The following MRPL45 variants were observed in gnomAD, a reference collection of about 807,000 sequenced individuals.
MRPL45 encodes the protein large ribosomal subunit protein mL45.
In MRPL45, 20 loss-of-function variants were observed where a neutral mutation model predicts 38.1. The ratio of observed to expected loss-of-function variants is 0.53; its 90% CI spans 0.37 to 0.76. The LOEUF (loss-of-function observed/expected upper bound fraction) is 0.76, where lower values mean the gene tolerates loss of function less well. MRPL45 is among the 30% of genes least tolerant of loss of function. MRPL45 has a pLI of 0.00. For synonymous variants in MRPL45, 105 were observed against 128.8 expected (o/e 0.82, Z 1.25); for missense variants, 337 against 395.6 (o/e 0.85, Z 1.26).
chr17:38,303,851 T>G (rs1211296961), intron 3 of MRPL45, among the ~76,000 whole-genome samples: 1 of 150,946 alleles, frequency 6.6e-6, no homozygotes, highest in Non-Finnish European at 1.5e-5. Context: ...CTCAGTCTCC[T>G]GAGTAGCTGG....
chr17:38,322,912 A>G lies in MRPL45; in HGVS notation c.*317A>G. On this transcript the variant is annotated 3_prime_UTR_variant, in exon 8 of 8. Coordinates refer to ENST00000613675, the MANE Select transcript of MRPL45 (RefSeq NM_032351.6). ...GGGACTGTGAGAGACAACCAGCAGCATCCTCTTTGTAATCACAGGGCAGGG... is the reference window on the plus strand; with the variant it reads ...GGGACTGTGAGAGACAACCAGCAGCGTCCTCTTTGTAATCACAGGGCAGGG... 3.6e-6 allele frequency: 1 copy of G among 279,314 alleles called. No homozygotes were observed. 17.3% of individuals were successfully genotyped at this position (279,314 alleles called of 1,614,324 possible).
In MRPL45 at chr17:38,318,677, T is replaced by G. The variant is rs780580113; in HGVS notation, c.462-10T>G. The G allele has an allele frequency of 3.1e-6, 5 of 1,599,694 alleles. No homozygotes were observed. Among genetic ancestry groups the G allele is most frequent in the Admixed American group, 1.7e-5 (1 of 59,930 alleles). On this transcript the variant is annotated splice_polypyrimidine_tract_variant and intron_variant, in intron 4 of 7. Coordinates refer to ENST00000613675, the MANE Select transcript of MRPL45 (RefSeq NM_032351.6). Reference sequence around the variant, plus strand: ...CAATAGTCAATGATATTTATTGCTTTCTTTTCTAGCTCAGACCATGACCGG... The same window carrying G: ...CAATAGTCAATGATATTTATTGCTTGCTTTTCTAGCTCAGACCATGACCGG...
chr17:38,305,300 C>T (rs1395268625), intron 3 of MRPL45, among the ~76,000 whole-genome samples: 1 of 138,380 alleles, frequency 7.2e-6, no homozygotes, highest in Non-Finnish European at 1.6e-5. Context: ...AACCCCATCT[C>T]TACTAAAAAT....
intron 5 of MRPL45, among the ~76,000 whole-genome samples, chr17:38,319,595 A>G (rs1334273405): frequency 6.6e-6 from 1 of 152,174 alleles, no homozygotes; most frequent in African/African-American, 2.4e-5. Flanking sequence ...CTGGCAAATG[A>G]AAGAAGTCCC....
rs71138605 is a variant in MRPL45 at position 38,313,029 on chromosome 17, G to GGCT, written c.462-5656_462-5654dup. On this transcript the variant is annotated intron_variant, in intron 4 of 7. Coordinates refer to ENST00000613675, the MANE Select transcript of MRPL45 (RefSeq NM_032351.6). ...AGATGGAGTCTCGCTCTGTTGCTCA[G>GGCT]GCTGGAGTGCAGTGGCACAATCTTG... Among the ~76,000 whole-genome samples, 26 of 125,218 alleles carry GGCT rather than the reference G, an allele frequency of 2.1e-4. 1 individual carries two copies. The East Asian group carries it at 3.3e-3, about 16-fold the overall frequency. 82.1% of individuals were successfully genotyped at this position (125,218 alleles called of 152,430 possible).
chr17:38,322,368 C>T, intron 7 of MRPL45, 69 bp downstream of exon 7: 6 of 1,554,560 alleles, frequency 3.9e-6, no homozygotes, highest in Non-Finnish European at 1.8e-6. Context: ...CTCTGTCGGG[C>T]TCCACCTAGT....
At chr17:38,320,528 AG>A in intron 5 of MRPL45, 89 bp from the exon 6 acceptor site, 2 of 1,351,050 alleles carry the variant, frequency 1.5e-6, no homozygotes, top group Non-Finnish European at 2.1e-6. Flanking sequence ...TGTTGGCTGT[AG>A]TCTTGCAGGA....
chr17:38,315,859 G>A (rs956094055), intron 4 of MRPL45, among the ~76,000 whole-genome samples: 74 of 150,958 alleles, frequency 4.9e-4, no homozygotes, highest in African/African-American at 1.7e-3. Flanking sequence ...TGCAGCCTCC[G>A]CCTCCCAGGT....
intron 3 of MRPL45, among the ~76,000 whole-genome samples, chr17:38,300,942 G>A (rs1057405281): frequency 2.0e-5 from 3 of 151,750 alleles, no homozygotes; most frequent in Non-Finnish European, 4.4e-5. Context: ...GCGAAACTCT[G>A]TCTCAAAAAA....
At chr17:38,317,809 A>G (rs2037189767) in intron 4 of MRPL45, among the ~76,000 whole-genome samples, 2 of 151,396 alleles carry the variant, frequency 1.3e-5, no homozygotes, top group African/African-American at 2.4e-5. Context: ...TCCTGACCTC[A>G]TGATCCACCC....
At chr17:38,312,812 C>T (rs2037125116) in intron 4 of MRPL45, among the ~76,000 whole-genome samples, 1 of 150,004 alleles carries the variant, frequency 6.7e-6, no homozygotes, top group African/African-American at 2.5e-5. Flanking sequence ...TGTCACTACA[C>T]TCCAGCCTCA....
intron 5 of MRPL45, 152 bp from the exon 6 acceptor site, chr17:38,320,466 A>G: frequency 1.3e-6 from 1 of 744,902 alleles, no homozygotes; most frequent in South Asian, 1.9e-5. Flanking sequence ...AAACTTGAGA[A>G]GGTGCAAGAG....
chr17:38,315,784 T>C (rs952063806), intron 4 of MRPL45, among the ~76,000 whole-genome samples: 7 of 151,874 alleles, frequency 4.6e-5, no homozygotes, highest in African/African-American at 1.7e-4. Flanking sequence ...TTTTATTTTA[T>C]TTTTTGAGAT....
At chr17:38,309,027 C>T (rs2037081786) in intron 4 of MRPL45, among the ~76,000 whole-genome samples, 1 of 151,572 alleles carries the variant, frequency 6.6e-6, no homozygotes, top group South Asian at 2.1e-4. Flanking sequence ...CTGCCTCAGC[C>T]TCTTGAGTAG....
chr17:38,322,418 G>A (rs1400212389), intron 7 of MRPL45, 91 bp from the exon 8 acceptor site: 7 of 991,242 alleles, frequency 7.1e-6, no homozygotes, highest in African/African-American at 4.8e-5. Context: ...AGGGAAGGCC[G>A]GGTGGGTGGG....
At chr17:38,304,060 A>C (rs1048698108) in intron 3 of MRPL45, among the ~76,000 whole-genome samples, 1 of 152,234 alleles carries the variant, frequency 6.6e-6, no homozygotes, top group Non-Finnish European at 1.5e-5. Context: ...GAAAGGCTGC[A>C]TGGTGGATAA....
At position 38,301,618 on chromosome 17, in the gene MRPL45, A is replaced by G. The variant is rs950811958; in HGVS notation, c.362+2150A>G. On this transcript the variant is annotated intron_variant, in intron 3 of 7. Coordinates refer to ENST00000613675, the MANE Select transcript of MRPL45 (RefSeq NM_032351.6). The stretch of plus-strand genomic sequence containing the variant: ...TGATTGTAATTGCACACTTGTATTT[A>G]TTTCTCCTAATACTCTGTACTGCAA... Among the ~76,000 whole-genome samples the G allele has an allele frequency of 3.9e-4, 59 of 152,028 alleles. 1 individual carries two copies. Among genetic ancestry groups the G allele is most frequent in the African/African-American group, 1.2e-3 (49 of 41,470 alleles).
intron 4 of MRPL45, among the ~76,000 whole-genome samples, chr17:38,314,779 G>A (rs1264149737): frequency 1.3e-5 from 2 of 152,222 alleles, no homozygotes; most frequent in Middle Eastern, 3.4e-3. Flanking sequence ...TGATCCACCC[G>A]CCTTGACCTC....
rs1296902415 is a variant in MRPL45, at chr17:38,298,767, T to G, written c.244+141T>G. 6 of 1,089,526 alleles carry G rather than the reference T, an allele frequency of 5.5e-6. No individual in the cohort carries two copies. The East Asian group carries it at 1.5e-4, about 27-fold the overall frequency. The allele number at this position is 1,089,526 out of a possible 1,614,324, so 67.5% of individuals were successfully genotyped here. The stretch of plus-strand genomic sequence containing the variant: ...CAATAATGATTAACCTTATATACAC[T>G]ATATATCATGAAGTTGTTCTTTGAA... On this transcript the variant is annotated intron_variant, in intron 2 of 7. Coordinates refer to ENST00000613675, the MANE Select transcript of MRPL45 (RefSeq NM_032351.6).
Sources: allele counts gnomAD v4.1 joint callset (sites outside exome capture counted in the v4.1 genomes callset), GRCh38; gene constraint gnomAD v4.1.1; transcripts MANE v1.5; gene names NCBI Gene and HGNC (gene_info 2026-07-23, HGNC 2026-07-21).